The following TMC3 variants were observed in gnomAD, a reference collection of about 807,000 sequenced individuals.
The protein encoded by TMC3 is transmembrane channel like 3.
A neutral mutation model predicts 110.6 loss-of-function variants in TMC3; 98 were observed. The ratio of observed to expected loss-of-function variants is 0.89; its 90% CI spans 0.75 to 1.05. The LOEUF (loss-of-function observed/expected upper bound fraction) is 1.05, where lower values mean the gene tolerates loss of function less well. Among genes scored for constraint, TMC3 ranks in the 50% least tolerant of loss-of-function variants. TMC3 has a pLI of 0.00. For synonymous variants in TMC3, 489 were observed against 513.1 expected, an observed-to-expected ratio of 0.95 and a Z score of 0.63; for missense variants, 1,319 against 1,373.2, an observed-to-expected ratio of 0.96 and a Z score of 0.62.
intron 12 of TMC3, among the ~76,000 whole-genome samples, chr15:81,345,883 GAAA>G (rs577070071): frequency 7.2e-6 from 1 of 139,398 alleles, no homozygotes; most frequent in Non-Finnish European, 1.6e-5. Context: ...TCTCAAAAAA[GAAA>G]AAAAAAAAGG....
At chr15:81,371,499 C>T (rs1187876586) in intron 2 of TMC3, among the ~76,000 whole-genome samples, 2 of 152,158 alleles carry the variant, frequency 1.3e-5, no homozygotes, top group Non-Finnish European at 2.9e-5. Context: ...CTGCAGGTGC[C>T]TGATGATCAG....
In TMC3 at chr15:81,347,159, C is replaced by T. The variant is rs150939054; in HGVS notation, c.1194-716G>A. Among the ~76,000 whole-genome samples, 1,131 of 152,294 alleles carry T rather than the reference C, an allele frequency of 7.4e-3. 7 individuals carry two copies. Among genetic ancestry groups the T allele is most frequent in the Non-Finnish European group, 0.013 (880 of 68,018 alleles). ...ATGCAGCCTTGGTTCTTACTGGAAA[C>T]CTGTCTGGGAAAATGAAGTGAGAAA... On this transcript the variant is annotated intron_variant, in intron 11 of 21. Coordinates refer to ENST00000359440, the MANE Select transcript of TMC3 (RefSeq NM_001080532.3).
At chr15:81,360,999 G>A (rs1390008899) in intron 4 of TMC3, among the ~76,000 whole-genome samples, 2 of 146,302 alleles carry the variant, frequency 1.4e-5, no homozygotes, top group Non-Finnish European at 3.0e-5. Context: ...GGAAACGGAA[G>A]CATATTACCA....
chr15:81,372,874 T>C (rs962245364), intron 1 of TMC3, 137 bp from the exon 2 acceptor site: 21 of 588,008 alleles, frequency 3.6e-5, no homozygotes, highest in East Asian at 1.4e-4. Context: ...TTTGTGCGTG[T>C]GTGTGTGTGT....
chr15:81,334,379 A>C (rs1893543596), intron 21 of TMC3, among the ~76,000 whole-genome samples: 1 of 152,230 alleles, frequency 6.6e-6, no homozygotes, highest in African/African-American at 2.4e-5. Context: ...ACTTGACCAG[A>C]CTAGGGCTAA....
chr15:81,332,375 T>G lies in TMC3; in HGVS notation c.*44A>C. Reference sequence around the variant, plus strand: ...GAGATGCCATGTGCTGGCCCAGCACTCCAACAGGGGCCTGACCTCTAGGAA... The same window carrying G: ...GAGATGCCATGTGCTGGCCCAGCACGCCAACAGGGGCCTGACCTCTAGGAA... On this transcript the variant is annotated 3_prime_UTR_variant, in exon 22 of 22. Transcript: ENST00000359440. The G allele has an allele frequency of 4.5e-6, 7 of 1,543,894 alleles. No individual in the cohort carries two copies. The highest frequency in any genetic ancestry group is 6.1e-6 in the Non-Finnish European group (7 of 1,143,148).
At chr15:81,357,588 T>G (rs1894092984) in intron 7 of TMC3, among the ~76,000 whole-genome samples, 1 of 152,100 alleles carries the variant, frequency 6.6e-6, no homozygotes, top group Non-Finnish European at 1.5e-5. Context: ...GGTGCAGAGC[T>G]CCTAACCCCC....
intron 10 of TMC3, 113 bp from the exon 11 acceptor site, chr15:81,349,680 C>T (rs1185153243): frequency 1.3e-5 from 7 of 539,344 alleles, no homozygotes; most frequent in Non-Finnish European, 1.8e-5. Flanking sequence ...CCACAGGGTC[C>T]TTGGATCCTC....
chr15:81,344,144 C>CA, intron 13 of TMC3, 99 bp from the exon 14 acceptor site: 1 of 1,346,428 alleles, frequency 7.4e-7, no homozygotes, highest in Non-Finnish European at 1.0e-6. Flanking sequence ...CTTGTGGGCC[C>CA]CAGCCAGTGG....
chr15:81,362,016 G>A (rs1309958617), intron 4 of TMC3: 12 of 487,330 alleles, frequency 2.5e-5, no homozygotes, highest in East Asian at 2.3e-4. Context: ...AAAGGCCCAC[G>A]TCCAGACTGT....
intron 3 of TMC3, among the ~76,000 whole-genome samples, chr15:81,365,849 T>C (rs759512348): frequency 1.3e-5 from 2 of 152,164 alleles, no homozygotes; most frequent in Non-Finnish European, 2.9e-5. Context: ...TAACAACATA[T>C]ATGATAGTTC....
intron 4 of TMC3, among the ~76,000 whole-genome samples, chr15:81,361,603 C>T (rs1343596474): frequency 6.6e-6 from 1 of 152,052 alleles, no homozygotes; most frequent in Non-Finnish European, 1.5e-5. Flanking sequence ...TACTTGGTAA[C>T]AATACATTGA....
intron 1 of TMC3, among the ~76,000 whole-genome samples, chr15:81,373,483 A>G (rs996309215): frequency 2.0e-5 from 3 of 152,196 alleles, no homozygotes; most frequent in African/African-American, 7.2e-5. Context: ...GTTATTCTCT[A>G]ATTCATGTTG....
intron 15 of TMC3, chr15:81,343,052 A>G: frequency 4.2e-6 from 2 of 471,714 alleles, no homozygotes; most frequent in East Asian, 3.3e-5. Context: ...TTCGGCTGCG[A>G]CCAATAGTAG....
At chr15:81,349,383 G>T in intron 11 of TMC3, 75 bp downstream of exon 11, 1 of 910,036 alleles carries the variant, frequency 1.1e-6, no homozygotes, top group Non-Finnish European at 1.5e-6. Flanking sequence ...CCTGGCTCTT[G>T]AGGCACTTAC....
chr15:81,332,791 C>A lies in TMC3; in HGVS notation c.2931G>T (p.Arg977Ser), dbSNP rs775421999. The A allele has an allele frequency of 6.2e-7, 1 of 1,611,218 alleles. No homozygotes were observed. Among genetic ancestry groups the A allele is most frequent in the South Asian group, 1.1e-5 (1 of 90,748 alleles). Residue 977 changes from arginine (R) to serine (S), a missense_variant, in exon 22 of 22, where the codon AGG (arginine) becomes AGT (serine). Physicochemically the swap from Arg to Ser is moderately radical, Grantham distance 110. Transcript: ENST00000359440. Reference protein sequence around the residue: ...RRAPHFYIGERSESQTRDPEH... With the variant: ...RRAPHFYIGESSESQTRDPEH... Reference sequence around the variant, plus strand: ...CGGGATCCCGGGTCTGACTTTCGGACCTCTCCCCAATATAAAAATGAGGAG... The same window carrying A: ...CGGGATCCCGGGTCTGACTTTCGGAACTCTCCCCAATATAAAAATGAGGAG...
chr15:81,356,356 G>A, intron 8 of TMC3, 91 bp downstream of exon 8: 7 of 1,383,388 alleles, frequency 5.1e-6, no homozygotes, highest in Non-Finnish European at 5.8e-6. Flanking sequence ...TCAATGGGAA[G>A]AGGATGGTTC....
At chr15:81,346,489 A>T (rs975532461) in intron 11 of TMC3, 46 bp from the exon 12 acceptor site, 1 of 1,587,076 alleles carries the variant, frequency 6.3e-7, no homozygotes, top group Non-Finnish European at 8.6e-7. Context: ...ATGGCATAGA[A>T]GTCCGTGGTT....
intron 5 of TMC3, among the ~76,000 whole-genome samples, chr15:81,358,740 T>A (rs922341821): frequency 2.0e-4 from 30 of 152,060 alleles, no homozygotes; most frequent in Non-Finnish European, 4.1e-4. Context: ...TACAGGTGGA[T>A]TATTAAGACC....
Sources: allele counts gnomAD v4.1 joint callset (sites outside exome capture counted in the v4.1 genomes callset), GRCh38; gene constraint gnomAD v4.1.1; transcripts MANE v1.5; gene names NCBI Gene and HGNC (gene_info 2026-07-23, HGNC 2026-07-21).